Variants in PCDHGB6 observed in about 807,000 individuals in gnomAD.
PCDHGB6 encodes the protein protocadherin gamma-B6.
PCDHGB6 carries 51 observed loss-of-function variants against 59.1 expected under a neutral mutation model. The observed-to-expected ratio is 0.86, with a 90% confidence interval of 0.69 to 1.09. The LOEUF (loss-of-function observed/expected upper bound fraction) is 1.09, where lower values mean the gene tolerates loss of function less well. PCDHGB6 is among the 50% of genes least tolerant of loss of function. The pLI, the probability that PCDHGB6 is intolerant of heterozygous loss-of-function variation, is 0.00. For missense variants in PCDHGB6, 1,148 were observed against 1,205.1 expected (o/e 0.95, Z 0.70); for synonymous variants, 466 against 495.1 (o/e 0.94, Z 0.78).
At position 141,409,990 on chromosome 5, in the gene PCDHGB6, C is replaced by G. The variant is rs377295503; in HGVS notation, c.1788C>G (p.Ala596=). The change falls in exon 1 of 4, where the codon GCC becomes GCG. Residue 596 remains alanine, a synonymous_variant. Transcript: ENST00000520790. The stretch of plus-strand genomic sequence containing the variant: ...TGACTAAGGTGGTAGCGGTGGACGC[C>G]GACTCGGGACACAACGCCTGGCTGT... ...YLVTKVVAVD[A]DSGHNAWLSY... is the part of the protein sequence containing the mutation. 2.7e-5 allele frequency: 44 copies of G among 1,613,278 alleles called. No homozygotes were observed. The African/African-American group carries it at 5.3e-4, about 20-fold the overall frequency.
At chr5:141,453,029 A>G (rs1014709934) in intron 1 of PCDHGB6, among the ~76,000 whole-genome samples, 1 of 152,206 alleles carries the variant, frequency 6.6e-6, no homozygotes, top group Non-Finnish European at 1.5e-5. Context: ...TCATTAAAAT[A>G]AAGTTTGTTT....
At chr5:141,443,853 A>G (rs929370798) in intron 1 of PCDHGB6, among the ~76,000 whole-genome samples, 3 of 152,230 alleles carry the variant, frequency 2.0e-5, no homozygotes, top group African/African-American at 7.2e-5. Flanking sequence ...GGAAAGTCTG[A>G]AAACTGAAAA....
chr5:141,451,284 G>A (rs950768919), intron 1 of PCDHGB6, among the ~76,000 whole-genome samples: 1 of 152,186 alleles, frequency 6.6e-6, no homozygotes. Context: ...GAGTGCCTCT[G>A]CCTCAAAGTC....
chr5:141,413,989 G>C, intron 1 of PCDHGB6: 1 of 1,613,400 alleles, frequency 6.2e-7, no homozygotes, highest in East Asian at 2.2e-5. Context: ...CACAGCCACC[G>C]ACAGGGACGA....
chr5:141,408,578 G>A lies in PCDHGB6; in HGVS notation c.376G>A (p.Val126Ile), dbSNP rs775312574. 3 of 1,613,928 alleles carry A rather than the reference G, an allele frequency of 1.9e-6. No individual in the cohort carries two copies. Among genetic ancestry groups the A allele is most frequent in the African/African-American group, 1.3e-5 (1 of 74,940 alleles). ...TCATGTCATTGTGGTGATTGAGGAT[G>A]TTAATGACCACGCCCCTCAATTTGA... ...IFHVIVVIED[V>I]NDHAPQFDKK... Residue 126 changes from valine to isoleucine, a missense_variant, in exon 1 of 4, where the codon GTT becomes ATT. Around this residue, in one of 5 missense-constraint regions of PCDHGB6, gnomAD observed 307 missense variants for 323.8 expected, o/e 0.95. Transcript: ENST00000520790.
chr5:141,476,078 C>G lies in PCDHGB6; in HGVS notation c.2419-18729C>G. On this transcript the variant is annotated intron_variant, in intron 1 of 3. Transcript: ENST00000520790. The surrounding 1 kb of genome is among the most constrained non-coding windows in gnomAD (Gnocchi z 7.6). ...AAGTTTCTCAGCGAAATCTCAGGGA[C>G]GATCTGGACCCCGCTGAGAGGAACT... is the stretch of plus-strand genomic sequence containing the variant. 1 of 1,528,034 alleles carries G rather than the reference C, an allele frequency of 6.5e-7. No homozygotes were observed. 94.7% of individuals were successfully genotyped at this position (1,528,034 alleles called of 1,614,324 possible).
Position 141,432,831 on chromosome 5 carries a change from T to C in PCDHGB6, c.2418+22211T>C. 1 of 1,614,206 alleles carries C rather than the reference T, an allele frequency of 6.2e-7. No individual in the cohort carries two copies. Among genetic ancestry groups the C allele is most frequent in the Non-Finnish European group, 8.5e-7 (1 of 1,180,006 alleles). ...AACTCTGAAACCTCAGACCTCACTC[T>C]GTACCTGGTGGTAGCGGTGGCCGCG... On this transcript the variant is annotated intron_variant, in intron 1 of 3. Coordinates refer to ENST00000520790, the MANE Select transcript of PCDHGB6 (RefSeq NM_018926.3). The surrounding 1 kb of genome is among the most constrained non-coding windows in gnomAD (Gnocchi z 6.0).
chr5:141,492,546 G>A (rs2154587552), intron 1 of PCDHGB6, among the ~76,000 whole-genome samples: 1 of 152,336 alleles, frequency 6.6e-6, no homozygotes, highest in East Asian at 1.9e-4. Flanking sequence ...GCTGGGCCGG[G>A]TCGCCTGGGG....
intron 1 of PCDHGB6, among the ~76,000 whole-genome samples, chr5:141,472,602 T>C (rs1032061805): frequency 4.6e-5 from 7 of 152,026 alleles, no homozygotes; most frequent in African/African-American, 1.4e-4. Context: ...CTTGAAATTA[T>C]AAAACAAAGA....
At chr5:141,421,513 C>T (rs368199651) in intron 1 of PCDHGB6, 14 of 1,613,960 alleles carry the variant, frequency 8.7e-6, no homozygotes, top group Non-Finnish European at 1.1e-5. Context: ...CCGGGAGGAG[C>T]TCTGTGAGAC....
chr5:141,422,873 T>C (rs1474438774), intron 1 of PCDHGB6: 1 of 1,614,158 alleles, frequency 6.2e-7, no homozygotes, highest in Admixed American at 1.7e-5. Flanking sequence ...AACGTGTCGC[T>C]GAGCCTGTTC....
Position 141,490,310 on chromosome 5 carries a change from A to G in PCDHGB6, c.2419-4497A>G. 2 of 1,614,082 alleles carry G rather than the reference A, an allele frequency of 1.2e-6. No homozygotes were observed. Among genetic ancestry groups the G allele is most frequent in the South Asian group, 2.2e-5 (2 of 91,078 alleles). ...GAGGTGCTATTGGCCTCTTTGGCCA[A>G]CCCTGTCCTAGAGAGCACACCAGTG... On this transcript the variant is annotated intron_variant, in intron 1 of 3. Transcript: ENST00000520790. The surrounding 1 kb of genome is among the most constrained non-coding windows in gnomAD (Gnocchi z 5.4).
chr5:141,433,291 T>A, intron 1 of PCDHGB6: 1 of 1,094,048 alleles, frequency 9.1e-7, no homozygotes, highest in Non-Finnish European at 1.3e-6. Flanking sequence ...ACTCCTAGGC[T>A]CAAGCAATTA....
At chr5:141,499,835 C>T (rs931946377) in intron 2 of PCDHGB6, among the ~76,000 whole-genome samples, 2 of 151,916 alleles carry the variant, frequency 1.3e-5, no homozygotes, top group Admixed American at 6.6e-5. Flanking sequence ...TACAGGTGTG[C>T]ACCACCACAC....
At chr5:141,438,763 G>C (rs537316602) in intron 1 of PCDHGB6, among the ~76,000 whole-genome samples, 1 of 149,962 alleles carries the variant, frequency 6.7e-6, no homozygotes, top group South Asian at 2.1e-4. Context: ...CTGGGTTCAA[G>C]CGATTCTCCT....
chr5:141,486,987 G>C lies in PCDHGB6; in HGVS notation c.2419-7820G>C, dbSNP rs1327158531. ...GACTTGGATTCAGGTTACAATGCTTGGGTTTCCTATCAGCTCCTGGAGGCC... is the reference window on the plus strand; with the variant it reads ...GACTTGGATTCAGGTTACAATGCTTCGGTTTCCTATCAGCTCCTGGAGGCC... On this transcript the variant is annotated intron_variant, in intron 1 of 3. Transcript: ENST00000520790. The surrounding 1 kb of genome is among the most constrained non-coding windows in gnomAD (Gnocchi z 5.0). The C allele has an allele frequency of 6.2e-7, 1 of 1,614,144 alleles. No homozygotes were observed. Among genetic ancestry groups the C allele is most frequent in the Admixed American group, 1.7e-5 (1 of 60,020 alleles).
At chr5:141,433,848 A>AAC (rs1403081382) in intron 1 of PCDHGB6, among the ~76,000 whole-genome samples, 1 of 151,964 alleles carries the variant, frequency 6.6e-6, no homozygotes, top group South Asian at 2.1e-4. Context: ...AAAAAAAAAA[A>AAC]AAAAAAACTT....
intron 2 of PCDHGB6, among the ~76,000 whole-genome samples, chr5:141,495,550 G>A (rs999176899): frequency 6.6e-6 from 1 of 151,958 alleles, no homozygotes; most frequent in Non-Finnish European, 1.5e-5. Context: ...TCTCTATCTC[G>A]CTTTGCAATC....
intron 1 of PCDHGB6, among the ~76,000 whole-genome samples, chr5:141,461,148 A>G (rs1293565790): frequency 1.3e-5 from 2 of 152,090 alleles, no homozygotes; most frequent in Non-Finnish European, 2.9e-5. Context: ...CTTTGGGTAG[A>G]TACCCAATAG....
Sources: gnomAD v4.1 joint callset for allele counts (sites outside exome capture counted in the v4.1 genomes callset) on GRCh38, gnomAD v4.1.1 for gene constraint, gnomAD v4.1.1 regional missense constraint, Gnocchi (gnomAD v3.1) non-coding constraint, MANE v1.5 for transcripts, NCBI Gene and HGNC (gene_info 2026-07-23, HGNC 2026-07-21) for gene names.